The following FBXL13 variants were observed in gnomAD, a reference collection of about 807,000 sequenced individuals.
FBXL13 encodes the protein F-box and leucine-rich repeat protein 13.
FBXL13 carries 67 observed loss-of-function variants against 83.6 expected under a neutral mutation model. The observed-to-expected ratio is 0.80, with a 90% confidence interval of 0.66 to 0.98. FBXL13 has a LOEUF of 0.98. Ranked by LOEUF, FBXL13 falls within the 50% of genes least tolerant of loss-of-function variation. The pLI is 0.00. For missense variants in FBXL13, 822 were observed against 866.5 expected (o/e 0.95, Z 0.64); for synonymous variants, 272 against 299.5 (o/e 0.91, Z 0.95).
At chr7:102,951,192 C>G (rs189028192) in intron 8 of FBXL13, among the ~76,000 whole-genome samples, 1 of 151,888 alleles carries the variant, frequency 6.6e-6, no homozygotes, top group Admixed American at 6.6e-5. Flanking sequence ...TATGGCTGGG[C>G]ACAGTGGCTC....
chr7:102,940,821 C>CA (rs1821286232), intron 8 of FBXL13, among the ~76,000 whole-genome samples: 1 of 152,158 alleles, frequency 6.6e-6, no homozygotes, highest in South Asian at 2.1e-4. Context: ...AGATTTATAA[C>CA]ATATATAACA....
At chr7:102,937,346 A>AC (rs11450874) in intron 8 of FBXL13, among the ~76,000 whole-genome samples, 2 of 778 alleles carry the variant, frequency 2.6e-3, no homozygotes, top group South Asian at 9.6e-3. Flanking sequence ...CTAAAAATAC[A>AC]AAAAAAAAAA....
At chr7:103,053,405 G>A (rs187434931) in intron 2 of FBXL13, among the ~76,000 whole-genome samples, 54 of 150,536 alleles carry the variant, frequency 3.6e-4, no homozygotes, top group Non-Finnish European at 5.8e-4. Context: ...CACCTGCCTC[G>A]GCCTCCCAAA....
intron 11 of FBXL13, among the ~76,000 whole-genome samples, chr7:102,888,552 A>T (rs1022435035): frequency 3.3e-5 from 5 of 152,172 alleles, no homozygotes; most frequent in African/African-American, 1.2e-4. Context: ...AAGAAAAGAA[A>T]AAGATTCCAG....
chr7:102,983,628 C>T (rs7789006), intron 6 of FBXL13, among the ~76,000 whole-genome samples: 1,690 of 151,950 alleles, frequency 0.011, 15 homozygotes, highest in Middle Eastern at 0.048. Flanking sequence ...CCATGTCGGC[C>T]GGGGCTGGTC....
intron 6 of FBXL13, among the ~76,000 whole-genome samples, chr7:103,008,043 G>A (rs977661544): frequency 3.3e-5 from 5 of 152,148 alleles, no homozygotes; most frequent in Non-Finnish European, 5.9e-5. Context: ...GATAGATGGA[G>A]CCCAAGAAGA....
chr7:103,017,894 C>T (rs376381945), intron 6 of FBXL13, among the ~76,000 whole-genome samples: 2 of 152,156 alleles, frequency 1.3e-5, no homozygotes, highest in Non-Finnish European at 2.9e-5. Context: ...AGTTGGAAAA[C>T]ACTCTTTGGG....
At chr7:103,019,580 G>A (rs1018667733) in intron 6 of FBXL13, among the ~76,000 whole-genome samples, 1 of 152,076 alleles carries the variant, frequency 6.6e-6, no homozygotes, top group African/African-American at 2.4e-5. Context: ...CGGATAGCAA[G>A]ACTCATAAAG....
At chr7:102,903,494 A>T (rs1048854647) in intron 11 of FBXL13, among the ~76,000 whole-genome samples, 10 of 152,070 alleles carry the variant, frequency 6.6e-5, no homozygotes. Flanking sequence ...CATGTTCCAG[A>T]TCTTAAGAAG....
At chr7:102,973,851 TG>T (rs1827087441) in intron 6 of FBXL13, 1 of 701,532 alleles carries the variant, frequency 1.4e-6, no homozygotes, top group African/African-American at 1.8e-5. Flanking sequence ...AATCCAACAT[TG>T]GTCCAAGAAG....
At chr7:102,813,353 G>C (rs1228230818) in exon 20 of FBXL13, 1 of 1,608,108 alleles carries the variant, frequency 6.2e-7, no homozygotes, top group Non-Finnish European at 8.5e-7. Flanking sequence ...CACGCTGCTT[G>C]GTCTTCACTG....
chr7:102,840,737 A>C (rs1276580597), intron 17 of FBXL13, among the ~76,000 whole-genome samples: 1 of 152,234 alleles, frequency 6.6e-6, no homozygotes, highest in Non-Finnish European at 1.5e-5. Flanking sequence ...GTGGAAAAAA[A>C]GAGAGCCTGG....
chr7:102,963,845 TC>T (rs1177895062), intron 7 of FBXL13, among the ~76,000 whole-genome samples, 180 bp from the exon 9 acceptor site: 1 of 152,024 alleles, frequency 6.6e-6, no homozygotes, highest in African/African-American at 2.4e-5. Context: ...AAACTATGCA[TC>T]CAACAAAAGC....
chr7:102,976,819 A>T (rs1827538524), intron 6 of FBXL13, among the ~76,000 whole-genome samples: 1 of 152,166 alleles, frequency 6.6e-6, no homozygotes, highest in Non-Finnish European at 1.5e-5. Flanking sequence ...CTGTTAAAAA[A>T]CCAGATGGAA....
chr7:102,952,795 C>T (rs1412231440), intron 8 of FBXL13, among the ~76,000 whole-genome samples: 1 of 152,060 alleles, frequency 6.6e-6, no homozygotes, highest in Non-Finnish European at 1.5e-5. Context: ...ACCACCCTGG[C>T]CAACATGGCA....
intron 2 of FBXL13, 127 bp from the exon 4 acceptor site, chr7:103,029,545 G>A (rs1229307295): frequency 4.2e-6 from 2 of 470,764 alleles, no homozygotes; most frequent in Non-Finnish European, 7.5e-6. Flanking sequence ...GGCAGTTGGA[G>A]ACAGGAATGG....
At chr7:102,828,695 G>A (rs1414749277) in intron 18 of FBXL13, among the ~76,000 whole-genome samples, 2 of 152,164 alleles carry the variant, frequency 1.3e-5, no homozygotes, top group African/African-American at 2.4e-5. Flanking sequence ...TGTTTCAGTG[G>A]TCTAGAGACA....
intron 10 of FBXL13, among the ~76,000 whole-genome samples, chr7:102,919,128 G>A (rs1584935093): frequency 6.6e-6 from 1 of 152,178 alleles, no homozygotes; most frequent in East Asian, 1.9e-4. Flanking sequence ...ATGACATTGT[G>A]TTGATAGCTT....
At chr7:102,982,147 T>G (rs994614858) in intron 6 of FBXL13, among the ~76,000 whole-genome samples, 1 of 152,176 alleles carries the variant, frequency 6.6e-6, no homozygotes, top group Non-Finnish European at 1.5e-5. Context: ...CTTCGCTTGT[T>G]GATTCAGGGG....
Sources: gnomAD v4.1 joint callset for allele counts (sites outside exome capture counted in the v4.1 genomes callset) on GRCh38, gnomAD v4.1.1 for gene constraint, MANE v1.5 for transcripts, NCBI Gene and HGNC (gene_info 2026-07-23, HGNC 2026-07-21) for gene names.